Variants in CHLSN observed in about 807,000 individuals in gnomAD.
CHLSN encodes the protein cholesin.
the CHLSN span, among the ~76,000 whole-genome samples, chr7:1,034,307 G>A: frequency 1.3e-5 from 2 of 151,952 alleles, no homozygotes; most frequent in African/African-American, 4.8e-5. Flanking sequence ...TTGTGTTAAT[G>A]GACAGAACAG....
chr7:1,131,669 C>T, the CHLSN span, among the ~76,000 whole-genome samples: 1 of 152,190 alleles, frequency 6.6e-6, no homozygotes, highest in Non-Finnish European at 1.5e-5. Flanking sequence ...GAGACCATGC[C>T]AGCCAATTAC....
the CHLSN span, chr7:1,091,474 C>T: frequency 1.9e-5 from 9 of 470,054 alleles, no homozygotes; most frequent in South Asian, 4.1e-5. Context: ...GGACGCCCGC[C>T]GGACGAGCAC....
the CHLSN span, among the ~76,000 whole-genome samples, chr7:1,085,494 G>A: frequency 6.6e-6 from 1 of 152,126 alleles, no homozygotes; most frequent in Non-Finnish European, 1.5e-5. Context: ...GGACAGCCCT[G>A]CCTCACAGGC....
the CHLSN span, among the ~76,000 whole-genome samples, chr7:1,121,522 T>C: frequency 0.3 from 44,946 of 152,228 alleles, 7,108 homozygotes; most frequent in African/African-American, 0.39. Flanking sequence ...GCGGTCTTCA[T>C]GCTCTAGTAA....
At chr7:1,001,789 G>GA in the CHLSN span, among the ~76,000 whole-genome samples, 1 of 126,794 alleles carries the variant, frequency 7.9e-6, no homozygotes, top group East Asian at 2.7e-4. Context: ...TCCTGTGGGT[G>GA]GGGAGTCCTG....
chr7:1,018,057 T>C, the CHLSN span, among the ~76,000 whole-genome samples: 1 of 152,162 alleles, frequency 6.6e-6, no homozygotes, highest in African/African-American at 2.4e-5. Flanking sequence ...TCCCACACCC[T>C]AGGCAGAAAT....
chr7:1,074,942 C>T, the CHLSN span, among the ~76,000 whole-genome samples: 61 of 152,336 alleles, frequency 4.0e-4, no homozygotes, highest in East Asian at 0.011. Flanking sequence ...GACGTCCCTC[C>T]AGCCTGGTGG....
the CHLSN span, among the ~76,000 whole-genome samples, chr7:1,005,411 C>T: frequency 5.9e-5 from 9 of 152,250 alleles, no homozygotes; most frequent in African/African-American, 1.7e-4. Context: ...ACAGCGTCCA[C>T]GTGCTCGTAA....
At chr7:1,009,157 G>A in the CHLSN span, among the ~76,000 whole-genome samples, 10 of 152,142 alleles carry the variant, frequency 6.6e-5, no homozygotes, top group African/African-American at 1.9e-4. Flanking sequence ...TCATCTCTCC[G>A]AGGGCCTCCC....
chr7:1,137,883 AC>A, the CHLSN span: 1 of 152,066 alleles, frequency 6.6e-6, no homozygotes, highest in Admixed American at 6.5e-5. Flanking sequence ...AGACAATGAA[AC>A]CAGAGCCACT....
chr7:998,257 A>C, the CHLSN span, among the ~76,000 whole-genome samples: 1 of 152,160 alleles, frequency 6.6e-6, no homozygotes, highest in Admixed American at 6.5e-5. Flanking sequence ...GCACCTCTGC[A>C]CAGGCTCACC....
the CHLSN span, among the ~76,000 whole-genome samples, chr7:1,112,021 A>G: frequency 0.21 from 31,214 of 152,238 alleles, 3,491 homozygotes; most frequent in Middle Eastern, 0.33. Flanking sequence ...TTAATCATGT[A>G]TAACTCAGGA....
the CHLSN span, among the ~76,000 whole-genome samples, chr7:1,107,472 C>T: frequency 2.2e-4 from 34 of 152,340 alleles, no homozygotes; most frequent in South Asian, 7.1e-3. Context: ...TCCCACTCTA[C>T]AGAGAATAAG....
the CHLSN span, among the ~76,000 whole-genome samples, chr7:1,084,835 G>A: frequency 1.3e-5 from 2 of 152,254 alleles, no homozygotes; most frequent in Non-Finnish European, 2.9e-5. Context: ...TGTTTGGACG[G>A]CGACATGCAA....
At chr7:1,101,940 G>T in the CHLSN span, among the ~76,000 whole-genome samples, 1 of 152,256 alleles carries the variant, frequency 6.6e-6, no homozygotes, top group African/African-American at 2.4e-5. Flanking sequence ...AGAGGCAGCG[G>T]CCAGGCCAGC....
the CHLSN span, among the ~76,000 whole-genome samples, chr7:985,847 GGACCCAGA>G: frequency 2.0e-5 from 3 of 152,244 alleles, no homozygotes; most frequent in African/African-American, 7.2e-5. Flanking sequence ...CATCACGGCT[GGACCCAGA>G]GACCACGGGT....
At chr7:983,144 G>A in the CHLSN span, 9 of 1,311,320 alleles carry the variant, frequency 6.9e-6, no homozygotes, top group Middle Eastern at 2.8e-4. Flanking sequence ...GCCCTCCCGC[G>A]GAGGCCTATA....
chr7:1,003,944 G>A, the CHLSN span, among the ~76,000 whole-genome samples: 2 of 138,438 alleles, frequency 1.4e-5, no homozygotes, highest in Non-Finnish European at 3.2e-5. Flanking sequence ...TGGGTGGGGA[G>A]TCCTGTGGGT....
chr7:1,101,968 G>T, the CHLSN span, among the ~76,000 whole-genome samples: 1 of 152,362 alleles, frequency 6.6e-6, no homozygotes, highest in South Asian at 2.1e-4. Flanking sequence ...GGAACAAGCT[G>T]CAGTGCCTTG....
Sources: allele counts gnomAD v4.1 joint callset (sites outside exome capture counted in the v4.1 genomes callset), GRCh38; gene constraint gnomAD v4.1.1; transcripts MANE v1.5; gene names NCBI Gene and HGNC (gene_info 2026-07-23, HGNC 2026-07-21).